The following PRKCZ variants were observed in gnomAD, a reference collection of about 807,000 sequenced individuals.
The protein encoded by PRKCZ is protein kinase C zeta type.
Under a neutral mutation model 79.5 loss-of-function variants are expected in PRKCZ, and 33 were observed. That is an observed-to-expected ratio of 0.41 (90% CI 0.31 to 0.55). PRKCZ has a LOEUF of 0.55. Among genes scored for constraint, PRKCZ ranks in the 20% least tolerant of loss-of-function variants. The pLI is 0.19. For synonymous variants in PRKCZ, 342 were observed against 320.9 expected, an observed-to-expected ratio of 1.07 and a Z score of -0.70; for missense variants, 578 against 813.5, an observed-to-expected ratio of 0.71 and a Z score of 3.52.
chr1:2,065,361 A>T (rs1246361704), intron 4 of PRKCZ, among the ~76,000 whole-genome samples: 1 of 152,198 alleles, frequency 6.6e-6, no homozygotes, highest in Non-Finnish European at 1.5e-5. Flanking sequence ...TTCTGGCTAG[A>T]ATTCCACTAC....
intron 4 of PRKCZ, among the ~76,000 whole-genome samples, chr1:2,115,737 G>A (rs1298551198): frequency 5.9e-5 from 9 of 152,186 alleles, no homozygotes; most frequent in African/African-American, 2.2e-4. Context: ...TAGTGTACCC[G>A]TTTATTAGAA....
chr1:2,083,980 C>G (rs564698167), intron 4 of PRKCZ, among the ~76,000 whole-genome samples: 2 of 152,240 alleles, frequency 1.3e-5, no homozygotes, highest in East Asian at 3.9e-4. Context: ...GCCTGTAGTC[C>G]CAGCACTTTG....
chr1:2,150,668 A>G, intron 8 of PRKCZ, 122 bp from the exon 9 acceptor site: 5 of 1,011,996 alleles, frequency 4.9e-6, no homozygotes, highest in Non-Finnish European at 7.2e-6. Flanking sequence ...CTGAGACTCG[A>G]ATCATGAGGC....
chr1:2,147,603 T>A (rs541624535), intron 7 of PRKCZ, among the ~76,000 whole-genome samples: 129 of 151,948 alleles, frequency 8.5e-4, no homozygotes, highest in African/African-American at 3.0e-3. Flanking sequence ...CACTGACCTT[T>A]CCATCTATCC....
intron 4 of PRKCZ, chr1:2,074,018 G>GC: frequency 7.0e-7 from 1 of 1,433,308 alleles, no homozygotes; most frequent in African/African-American, 1.4e-5. Context: ...GGAGGACGGT[G>GC]CCCGAGTCAG....
chr1:2,070,525 G>A (rs1175030491), intron 4 of PRKCZ, among the ~76,000 whole-genome samples: 2 of 152,310 alleles, frequency 1.3e-5, no homozygotes, highest in South Asian at 2.1e-4. Context: ...CTTGGCAAGC[G>A]GGAGGTTTTC....
At chr1:2,051,921 C>G (rs1659701070) in intron 1 of PRKCZ, among the ~76,000 whole-genome samples, 2 of 152,116 alleles carry the variant, frequency 1.3e-5, no homozygotes, top group South Asian at 2.1e-4. Flanking sequence ...TGCAGTGGCC[C>G]GGGTTTGGTG....
chr1:2,113,264 G>A (rs1279746043), intron 4 of PRKCZ, among the ~76,000 whole-genome samples: 7 of 152,304 alleles, frequency 4.6e-5, no homozygotes, highest in African/African-American at 1.2e-4. Context: ...CAGCCGCCCC[G>A]TTTCCTCCCC....
chr1:2,166,017 G>A (rs1399842416), intron 10 of PRKCZ, among the ~76,000 whole-genome samples: 1 of 152,234 alleles, frequency 6.6e-6, no homozygotes, highest in Non-Finnish European at 1.5e-5. Context: ...TCAGGGACTG[G>A]ATCCGGCTGC....
Position 2,173,780 on chromosome 1 carries a change from C to T in PRKCZ, c.1286-117C>T. 7.0e-7 allele frequency: 1 copy of T among 1,420,372 alleles called. No individual in the cohort carries two copies. The highest frequency in any genetic ancestry group is 2.6e-5 in the East Asian group (1 of 38,584). The allele number at this position is 1,420,372 out of a possible 1,614,324, so 88.0% of individuals were successfully genotyped here. On this transcript the variant is annotated intron_variant, in intron 13 of 17. Transcript: ENST00000378567. This position sits in a 1 kb window ranked among gnomAD's most constrained non-coding sequence, Gnocchi z 5.7. ...GAAGTCACAGAGGCCTGTGTGCCGCCTGCTCAAGCCTGGCTCACACTCGTG... is the reference window on the plus strand; with the variant it reads ...GAAGTCACAGAGGCCTGTGTGCCGCTTGCTCAAGCCTGGCTCACACTCGTG...
chr1:2,063,089 G>T (rs913959339), intron 4 of PRKCZ, among the ~76,000 whole-genome samples: 3 of 152,140 alleles, frequency 2.0e-5, no homozygotes, highest in African/African-American at 7.2e-5. Context: ...GCCATGCGTA[G>T]CCTGTGTCAC....
intron 11 of PRKCZ, chr1:2,171,510 T>G (rs1388259137): frequency 6.6e-6 from 1 of 151,718 alleles, no homozygotes. Context: ...GGACTACAGG[T>G]GTGCGCCACC....
chr1:2,155,145 T>C (rs764633314), intron 9 of PRKCZ, among the ~76,000 whole-genome samples: 21 of 152,080 alleles, frequency 1.4e-4, no homozygotes, highest in Non-Finnish European at 1.9e-4. Context: ...ATGATGGTGA[T>C]GATGGTGATG....
intron 10 of PRKCZ, among the ~76,000 whole-genome samples, chr1:2,167,730 G>A (rs916181816): frequency 6.6e-6 from 1 of 152,056 alleles, no homozygotes; most frequent in Non-Finnish European, 1.5e-5. Flanking sequence ...TCAGCCTCCC[G>A]AGTAGCTGAG....
intron 16 of PRKCZ, chr1:2,181,819 A>T: frequency 2.2e-6 from 1 of 455,636 alleles, no homozygotes; most frequent in Non-Finnish European, 4.4e-6. Context: ...CCTTTTTCAC[A>T]TTTTATCGGC....
intron 4 of PRKCZ, among the ~76,000 whole-genome samples, chr1:2,093,462 C>T (rs1003113794): frequency 6.6e-6 from 1 of 152,162 alleles, no homozygotes; most frequent in Non-Finnish European, 1.5e-5. Context: ...TGGCTCTGGC[C>T]TGGTCCAGCC....
In PRKCZ at chr1:2,177,076, C is replaced by T. The variant is rs990976934; in HGVS notation, c.1575+1763C>T. On this transcript the variant is annotated intron_variant, in intron 16 of 17. Transcript: ENST00000378567. This position sits in a 1 kb window ranked among gnomAD's most constrained non-coding sequence, Gnocchi z 6.4. The stretch of plus-strand genomic sequence containing the variant: ...CTGTCAGTCATCCTCACGCCCAGGC[C>T]GGGGTTAGAGGTGGCGTCCCTTTTC... Among the ~76,000 whole-genome samples, 7 of 152,184 alleles carry T rather than the reference C, an allele frequency of 4.6e-5. No homozygotes were observed. Among genetic ancestry groups the T allele is most frequent in the East Asian group, 1.9e-4 (1 of 5,202 alleles).
At chr1:2,150,199 C>T (rs372988858) in intron 8 of PRKCZ, among the ~76,000 whole-genome samples, 109 of 151,902 alleles carry the variant, frequency 7.2e-4, no homozygotes, top group African/African-American at 2.2e-3. Context: ...TCCATTTTGC[C>T]GCACAGAACA....
Position 2,177,216 on chromosome 1 carries a change from C to A in PRKCZ, c.1575+1903C>A, listed in dbSNP as rs900105769. Among the ~76,000 whole-genome samples the A allele has an allele frequency of 1.3e-5, 2 of 152,162 alleles. No homozygotes were observed. The highest frequency in any genetic ancestry group is 2.9e-5 in the Non-Finnish European group (2 of 68,042). On this transcript the variant is annotated intron_variant, in intron 16 of 17. Transcript: ENST00000378567. This position sits in a 1 kb window ranked among gnomAD's most constrained non-coding sequence, Gnocchi z 6.4. ...ATCCCCTTGTCTCTGGCCCACAGAACCCCTCCGGTCCACACACACACTCAG... is the reference window on the plus strand; with the variant it reads ...ATCCCCTTGTCTCTGGCCCACAGAAACCCTCCGGTCCACACACACACTCAG...
Sources: gnomAD v4.1 joint callset for allele counts (sites outside exome capture counted in the v4.1 genomes callset) on GRCh38, gnomAD v4.1.1 for gene constraint, Gnocchi (gnomAD v3.1) non-coding constraint, MANE v1.5 for transcripts, NCBI Gene and HGNC (gene_info 2026-07-23, HGNC 2026-07-21) for gene names.